NDRG3: variants seen among roughly 807,000 people sequenced by gnomAD.
NDRG3 encodes NDRG family member 3.
A neutral mutation model predicts 57.2 loss-of-function variants in NDRG3; 23 were observed. That is an observed-to-expected ratio of 0.40 (90% CI 0.29 to 0.57). The LOEUF (loss-of-function observed/expected upper bound fraction) is 0.57. Among genes scored for constraint, NDRG3 ranks in the 20% least tolerant of loss-of-function variants. NDRG3 has a pLI of 0.42. For missense variants in NDRG3, 384 were observed against 457.3 expected, an observed-to-expected ratio of 0.84 and a Z score of 1.46; for synonymous variants, 132 against 162.6, an observed-to-expected ratio of 0.81 and a Z score of 1.43.
At chr20:36,655,757 T>C (rs114514402) in intron 15 of NDRG3, among the ~76,000 whole-genome samples, 102 of 152,310 alleles carry the variant, frequency 6.7e-4, no homozygotes, top group African/African-American at 2.3e-3. Flanking sequence ...AGCTGAATTT[T>C]TACCCTTGGC....
intron 1 of NDRG3, among the ~76,000 whole-genome samples, chr20:36,733,202 A>G (rs1167064571): frequency 7.4e-6 from 1 of 134,482 alleles, no homozygotes; most frequent in East Asian, 2.6e-4. Flanking sequence ...ATATATATAT[A>G]TGCACATATA....
intron 1 of NDRG3, 33 bp from the exon 2 acceptor site, chr20:36,721,816 G>A: frequency 5.0e-6 from 5 of 1,004,094 alleles, no homozygotes; most frequent in Non-Finnish European, 7.7e-6. Flanking sequence ...GAAGAAAAAG[G>A]CTTAAGCCAG....
chr20:36,729,062 C>T (rs1033200305), intron 1 of NDRG3, among the ~76,000 whole-genome samples: 8 of 152,122 alleles, frequency 5.3e-5, no homozygotes, highest in Non-Finnish European at 7.3e-5. Context: ...AACTCATATA[C>T]CATAATGTCT....
At chr20:36,670,633 T>C (rs1458188520) in intron 9 of NDRG3, among the ~76,000 whole-genome samples, 1 of 152,194 alleles carries the variant, frequency 6.6e-6, no homozygotes, top group African/African-American at 2.4e-5. Flanking sequence ...TAAAGTATTA[T>C]AAATAATCAG....
intron 1 of NDRG3, among the ~76,000 whole-genome samples, chr20:36,744,336 G>A (rs752293545): frequency 2.0e-5 from 3 of 152,072 alleles, no homozygotes; most frequent in Non-Finnish European, 4.4e-5. Flanking sequence ...GAAACTGAAG[G>A]GCAGGAAGGA....
intron 1 of NDRG3, among the ~76,000 whole-genome samples, chr20:36,729,886 A>C (rs1425544714): frequency 6.6e-6 from 1 of 152,126 alleles, no homozygotes; most frequent in Non-Finnish European, 1.5e-5. Context: ...GACTCCATTA[A>C]TTTGATTTCG....
At chr20:36,696,114 G>T (rs1260925171) in intron 3 of NDRG3, among the ~76,000 whole-genome samples, 3 of 151,478 alleles carry the variant, frequency 2.0e-5, no homozygotes, top group Admixed American at 2.0e-4. Context: ...GTTTTTTTTT[G>T]AGATGGAGTT....
chr20:36,674,653 A>C (rs1980497514), intron 8 of NDRG3, among the ~76,000 whole-genome samples: 1 of 139,524 alleles, frequency 7.2e-6, no homozygotes, highest in South Asian at 2.2e-4. Context: ...GCAGGACTGT[A>C]GTAGCATGAT....
At chr20:36,676,597 G>C (rs1980736647) in intron 8 of NDRG3, among the ~76,000 whole-genome samples, 1 of 152,142 alleles carries the variant, frequency 6.6e-6, no homozygotes, top group Non-Finnish European at 1.5e-5. Flanking sequence ...CGAGTAGCTG[G>C]GATTACAGGC....
chr20:36,744,366 A>G (rs1467670051), intron 1 of NDRG3, among the ~76,000 whole-genome samples: 1 of 152,110 alleles, frequency 6.6e-6, no homozygotes, highest in African/African-American at 2.4e-5. Context: ...GGGCACCAGA[A>G]GAACACCACG....
rs374158525 is a variant in NDRG3 at position 36,714,982 on chromosome 20, C to CTGTGTG, written c.57+6691_57+6696dup. On this transcript the variant is annotated intron_variant, in intron 2 of 15. Coordinates refer to ENST00000349004, the MANE Select transcript of NDRG3 (RefSeq NM_032013.4). ...AGGGATAAGAATGAAAATCCTATAT[C>CTGTGTG]TGTGTGTGTGTGTGTGTGTGTGTGT... Among the ~76,000 whole-genome samples, 31 of 50,202 alleles carry CTGTGTG rather than the reference C, an allele frequency of 6.2e-4. 1 individual carries two copies. Among genetic ancestry groups the CTGTGTG allele is most frequent in the Non-Finnish European group, 8.5e-4 (22 of 25,910 alleles). 32.9% of individuals were successfully genotyped at this position (50,202 alleles called of 152,430 possible).
chr20:36,664,590 T>G (rs1480002075), intron 12 of NDRG3, among the ~76,000 whole-genome samples: 3 of 152,216 alleles, frequency 2.0e-5, no homozygotes, highest in Non-Finnish European at 4.4e-5. Flanking sequence ...AAGGATAAAT[T>G]AATTTTCCAA....
intron 1 of NDRG3, among the ~76,000 whole-genome samples, chr20:36,734,729 C>T (rs574734175): frequency 1.9e-4 from 29 of 151,808 alleles, no homozygotes; most frequent in Non-Finnish European, 3.2e-4. Flanking sequence ...GTAGCAGCAT[C>T]CCTGGCCTCC....
chr20:36,733,171 A>ATAT (rs57063755), intron 1 of NDRG3, among the ~76,000 whole-genome samples: 8 of 33,068 alleles, frequency 2.4e-4, no homozygotes, highest in Non-Finnish European at 2.8e-4. Context: ...AAAAAAAAAA[A>ATAT]ATATATATAT....
chr20:36,724,919 ACT>A (rs1984829479), intron 1 of NDRG3, among the ~76,000 whole-genome samples: 1 of 151,858 alleles, frequency 6.6e-6, no homozygotes, highest in Non-Finnish European at 1.5e-5. Context: ...ACAGAACAAG[ACT>A]CTGTCTCAAA....
intron 5 of NDRG3, among the ~76,000 whole-genome samples, chr20:36,685,678 G>A (rs1263881520): frequency 6.6e-6 from 1 of 152,118 alleles, no homozygotes; most frequent in African/African-American, 2.4e-5. Flanking sequence ...GTTCGAGCAG[G>A]CCCAGGAACA....
At chr20:36,712,585 A>AT (rs1273225549) in intron 2 of NDRG3, among the ~76,000 whole-genome samples, 39 of 8,470 alleles carry the variant, frequency 4.6e-3, no homozygotes, top group African/African-American at 0.011. Flanking sequence ...ATATATATAT[A>AT]TATTTTTTTT....
At chr20:36,720,116 A>T (rs1441873821) in intron 2 of NDRG3, among the ~76,000 whole-genome samples, 1 of 151,932 alleles carries the variant, frequency 6.6e-6, no homozygotes, top group East Asian at 1.9e-4. Context: ...CAAAAAAAAA[A>T]AAAGAAGGAA....
chr20:36,695,420 C>A (rs1383912662), intron 3 of NDRG3, among the ~76,000 whole-genome samples: 2 of 152,186 alleles, frequency 1.3e-5, no homozygotes, highest in Non-Finnish European at 2.9e-5. Context: ...AGCCATATTT[C>A]TCTTATTGCC....
Sources: gnomAD v4.1 joint callset for allele counts (sites outside exome capture counted in the v4.1 genomes callset) on GRCh38, gnomAD v4.1.1 for gene constraint, MANE v1.5 for transcripts, NCBI Gene and HGNC (gene_info 2026-07-23, HGNC 2026-07-21) for gene names.